PDE4B: variants seen among roughly 807,000 people sequenced by gnomAD.
PDE4B encodes phosphodiesterase 4B.
A neutral mutation model predicts 82.2 loss-of-function variants in PDE4B; 20 were observed. The ratio of observed to expected loss-of-function variants is 0.24; its 90% confidence interval spans 0.17 to 0.35. PDE4B has a LOEUF of 0.35. Among genes scored for constraint, PDE4B ranks in the 10% least tolerant of loss-of-function variants. The pLI is 1.00. For synonymous variants in PDE4B, 320 were observed against 318.9 expected (o/e 1.00, Z -0.04); for missense variants, 655 against 907.2 (o/e 0.72, Z 3.57).
intron 6 of PDE4B, among the ~76,000 whole-genome samples, chr1:66,265,652 A>G (rs1335085355): frequency 6.6e-6 from 1 of 151,892 alleles, no homozygotes; most frequent in East Asian, 1.9e-4. Context: ...TCTGGCTATA[A>G]CTTTTTACAG....
rs540056907 is a variant in PDE4B, at chr1:65,874,721, G to T, written c.-70-38524G>T. On this transcript the variant is annotated intron_variant, in intron 1 of 16. Transcript: ENST00000341517. ...AAGGATTCCCTATTTAATAAATGGT[G>T]CTGGGAAAACTGGCTAGCCATATGT... 4.2e-3 allele frequency among the ~76,000 whole-genome samples: 643 copies of T among 151,484 alleles called. 9 individuals are homozygous for T. The highest frequency in any genetic ancestry group is 0.014 in the African/African-American group (586 of 41,234).
chr1:66,253,643 TG>T (rs1200927383), intron 4 of PDE4B, among the ~76,000 whole-genome samples: 1 of 152,256 alleles, frequency 6.6e-6, no homozygotes, highest in African/African-American at 2.4e-5. Context: ...CTATGCCATT[TG>T]ATTCTTAACT....
chr1:66,190,285 A>G (rs2101470578), intron 3 of PDE4B, among the ~76,000 whole-genome samples: 1 of 152,250 alleles, frequency 6.6e-6, no homozygotes, highest in South Asian at 2.1e-4. Context: ...GGGGTCAAGG[A>G]CCCACTTGAG....
Position 66,253,692 on chromosome 1 carries a change from T to C in PDE4B, c.477-3955T>C, listed in dbSNP as rs1459474950. Among the ~76,000 whole-genome samples the C allele has an allele frequency of 2.0e-5, 3 of 152,386 alleles. No individual in the cohort carries two copies. In the East Asian group the frequency reaches 5.8e-4, roughly 29 times the overall value. On this transcript the variant is annotated intron_variant, in intron 4 of 16. Transcript: ENST00000341517. ...AATTATGATTTTTAAAAATTTATAATAGTTCCATAAATAATCTGGTTGCAC... is the reference window on the plus strand; with the variant it reads ...AATTATGATTTTTAAAAATTTATAACAGTTCCATAAATAATCTGGTTGCAC...
At chr1:66,076,675 T>C (rs1318733801) in intron 3 of PDE4B, among the ~76,000 whole-genome samples, 1 of 152,188 alleles carries the variant, frequency 6.6e-6, no homozygotes, top group African/African-American at 2.4e-5. Context: ...CCAGCATCTG[T>C]TGCTTTTAGA....
chr1:66,198,392 A>G (rs914007896), intron 3 of PDE4B, among the ~76,000 whole-genome samples: 3 of 152,146 alleles, frequency 2.0e-5, no homozygotes, highest in African/African-American at 7.2e-5. Flanking sequence ...TATAAAAGTA[A>G]CAAAAAACAT....
chr1:66,084,807 T>C (rs182329736), intron 3 of PDE4B, among the ~76,000 whole-genome samples: 1 of 152,098 alleles, frequency 6.6e-6, no homozygotes, highest in Non-Finnish European at 1.5e-5. Context: ...AGCACTACAG[T>C]GGAAGGGATT....
At chr1:66,365,366 T>A (rs1270725840) in intron 12 of PDE4B, among the ~76,000 whole-genome samples, 3 of 152,176 alleles carry the variant, frequency 2.0e-5, no homozygotes, top group African/African-American at 7.2e-5. Flanking sequence ...TGCTGCCACA[T>A]CACTGGTCCA....
intron 3 of PDE4B, among the ~76,000 whole-genome samples, chr1:65,992,169 C>T (rs1651279368): frequency 6.6e-6 from 1 of 152,098 alleles, no homozygotes; most frequent in South Asian, 2.1e-4. Context: ...TCAGCTCTTT[C>T]ATTCAAAAAT....
chr1:66,065,371 T>C (rs1303834171), intron 3 of PDE4B, among the ~76,000 whole-genome samples: 1 of 151,968 alleles, frequency 6.6e-6, no homozygotes, highest in Non-Finnish European at 1.5e-5. Context: ...ATGCATACTT[T>C]AGAATTAATG....
rs181362648 is a variant in PDE4B, at chr1:66,365,394, G to A, written c.1285-273G>A. On this transcript the variant is annotated intron_variant, in intron 12 of 16. Transcript: ENST00000341517. ...CTGGTCCAAGAAACAAACATTAGAC[G>A]TTTACACACTCCATGAGATTTGTGC... is the stretch of plus-strand genomic sequence containing the variant. Among the ~76,000 whole-genome samples the A allele has an allele frequency of 2.9e-4, 44 of 152,172 alleles. 1 individual carries two copies. The South Asian group carries it at 8.7e-3, about 30-fold the overall frequency.
intron 3 of PDE4B, among the ~76,000 whole-genome samples, chr1:66,156,520 A>G (rs1191547868): frequency 6.6e-6 from 1 of 152,090 alleles, no homozygotes; most frequent in Non-Finnish European, 1.5e-5. Flanking sequence ...TTTTCAATCT[A>G]CATTGGACCA....
chr1:66,331,787 A>G (rs767562233), intron 7 of PDE4B: 105 of 985,320 alleles, frequency 1.1e-4, no homozygotes, highest in Non-Finnish European at 1.2e-4. Context: ...CCAGGCCAAT[A>G]AACGTGTTCA....
intron 3 of PDE4B, among the ~76,000 whole-genome samples, chr1:65,942,489 A>G (rs1248990501): frequency 6.6e-6 from 1 of 151,990 alleles, no homozygotes; most frequent in African/African-American, 2.4e-5. Flanking sequence ...GCTGCTATTA[A>G]CATGGTAGTG....
intron 3 of PDE4B, among the ~76,000 whole-genome samples, chr1:65,921,437 A>G (rs1353495623): frequency 1.3e-5 from 2 of 152,186 alleles, no homozygotes; most frequent in Non-Finnish European, 2.9e-5. Context: ...GAAAGTTCAT[A>G]GAGATAAGGA....
chr1:66,209,517 T>G (rs1189693852), intron 3 of PDE4B, among the ~76,000 whole-genome samples: 1 of 152,220 alleles, frequency 6.6e-6, no homozygotes, highest in Non-Finnish European at 1.5e-5. Flanking sequence ...ACGTAATTTT[T>G]AAACCAACTC....
At chr1:66,102,658 G>A (rs1645250663) in intron 3 of PDE4B, among the ~76,000 whole-genome samples, 1 of 151,800 alleles carries the variant, frequency 6.6e-6, no homozygotes, top group South Asian at 2.1e-4. Flanking sequence ...TTTAATACAG[G>A]AAACAAATAT....
Position 66,139,723 on chromosome 1 carries a change from C to A in PDE4B, c.282-107737C>A, listed in dbSNP as rs1346773244. 4.4e-5 allele frequency among the ~76,000 whole-genome samples: 6 copies of A among 136,576 alleles called. No homozygotes were observed. The South Asian group carries it at 1.1e-3, about 24-fold the overall frequency. The allele number at this position is 136,576 out of a possible 152,430, so 89.6% of individuals were successfully genotyped here. A position where few individuals can be genotyped will look rare whatever the true frequency, so the allele number is the denominator to read the frequency against. On this transcript the variant is annotated intron_variant, in intron 3 of 16. Transcript: ENST00000341517. ...CTCAGAATAGCCACTTAAATAATTCCCCCTCCCCCCTCAAAAAAAAAAAAA... is the reference window on the plus strand; with the variant it reads ...CTCAGAATAGCCACTTAAATAATTCACCCTCCCCCCTCAAAAAAAAAAAAA...
intron 3 of PDE4B, among the ~76,000 whole-genome samples, chr1:66,167,417 T>C (rs1328710721): frequency 2.0e-5 from 3 of 152,280 alleles, no homozygotes; most frequent in Middle Eastern, 3.4e-3. Context: ...TTTAAAACTT[T>C]AAGTGAAAGA....
Sources: allele counts gnomAD v4.1 joint callset (sites outside exome capture counted in the v4.1 genomes callset), GRCh38; gene constraint gnomAD v4.1.1; transcripts MANE v1.5; gene names NCBI Gene and HGNC (gene_info 2026-07-23, HGNC 2026-07-21).